The following MTRFR variants were observed in gnomAD, a reference collection of about 807,000 sequenced individuals.
MTRFR encodes mitochondrial translation release factor in rescue, also known as probable peptide chain release factor C12orf65, mitochondrial.
MTRFR carries 10 observed loss-of-function variants against 11.9 expected under a neutral mutation model. That is an observed-to-expected ratio of 0.84 (90% CI 0.52 to 1.42). The LOEUF (loss-of-function observed/expected upper bound fraction) is 1.42. Among genes scored for constraint, MTRFR ranks in the 40% most tolerant of loss-of-function variants. The pLI is 0.00. For missense variants in MTRFR, 196 were observed against 197.9 expected (o/e 0.99, Z 0.06); for synonymous variants, 77 against 79.1 (o/e 0.97, Z 0.14).
intron 1 of MTRFR, among the ~76,000 whole-genome samples, chr12:123,253,070 ATTTTTTTTTTTTTTTTT>A (rs71085872): frequency 0.062 from 2,151 of 34,844 alleles, 68 homozygotes; most frequent in Non-Finnish European, 0.095. Context: ...GTTCCTTTGA[ATTTTTTTTTTTTTTTTT>A]TTTTTTTTTT....
chr12:123,253,755 G>A lies in MTRFR; in HGVS notation c.81G>A (p.Glu27=), dbSNP rs2048144443. 2 of 1,614,186 alleles carry A rather than the reference G, an allele frequency of 1.2e-6. No individual in the cohort carries two copies. Among genetic ancestry groups the A allele is most frequent in the Non-Finnish European group, 1.7e-6 (2 of 1,180,054 alleles). ...CGCCATGGGGACTCCGGCTTTGGGA[G>A]AAGCTGACGTTGTTATCCCCAGGAA... is the stretch of plus-strand genomic sequence containing the variant. ...CPAPWGLRLW[E]KLTLLSPGIA... The change falls in exon 2 of 3, where the codon GAG becomes GAA. Residue 27 remains glutamate (E), a synonymous_variant. Transcript: ENST00000253233.
intron 1 of MTRFR, among the ~76,000 whole-genome samples, chr12:123,236,659 G>C (rs934519523): frequency 6.6e-6 from 1 of 152,036 alleles, no homozygotes; most frequent in Non-Finnish European, 1.5e-5. Flanking sequence ...CAAACACAAG[G>C]CATCGTTAAT....
chr12:123,255,147 A>G (rs1307701059), intron 2 of MTRFR: 1 of 152,220 alleles, frequency 6.6e-6, no homozygotes, highest in Non-Finnish European at 1.5e-5. Flanking sequence ...CCCCATGTTC[A>G]TGATTTCCAT....
At chr12:123,242,652 A>T (rs2047959433) in intron 1 of MTRFR, among the ~76,000 whole-genome samples, 1 of 152,190 alleles carries the variant, frequency 6.6e-6, no homozygotes, top group African/African-American at 2.4e-5. Flanking sequence ...GACCTTCTTG[A>T]ACTCCAGCTG....
intron 1 of MTRFR, among the ~76,000 whole-genome samples, chr12:123,235,573 C>T (rs1323216802): frequency 6.6e-6 from 1 of 151,074 alleles, no homozygotes; most frequent in African/African-American, 2.4e-5. Flanking sequence ...GGGGTTTCAC[C>T]GTGTTAGCCA....
At chr12:123,249,252 A>G (rs11057210) in intron 1 of MTRFR, 97,341 of 152,298 alleles carry the variant, frequency 0.64, 35,571 homozygotes, top group East Asian at 1. Flanking sequence ...GAGTCCAGCT[A>G]GCTTTGCCTA....
At chr12:123,256,692 G>A in intron 2 of MTRFR, 121 bp from the exon 3 acceptor site, 1 of 831,648 alleles carries the variant, frequency 1.2e-6, no homozygotes, top group South Asian at 1.5e-5. Context: ...ACGAAACTCT[G>A]TCTCAATAAA....
rs1293006247 is a variant in MTRFR, at chr12:123,257,179, A to G, written c.*148A>G. 1 of 721,366 alleles carries G rather than the reference A, an allele frequency of 1.4e-6. No homozygotes were observed. The highest frequency in any genetic ancestry group is 2.4e-6 in the Non-Finnish European group (1 of 415,016). The allele number at this position is 721,366 out of a possible 1,614,324, so 44.7% of individuals were successfully genotyped here. A position where few individuals can be genotyped will look rare whatever the true frequency, so the allele number is the denominator to read the frequency against. On this transcript the variant is annotated 3_prime_UTR_variant, in exon 3 of 3. Coordinates refer to ENST00000253233, the MANE Select transcript of MTRFR (RefSeq NM_152269.5). ...GACAACAAATTTATTTAAATGGTGC[A>G]CTAAACTGTAGTGAACAGAGACATG...
chr12:123,238,321 GGT>G (rs2047882585), intron 1 of MTRFR, among the ~76,000 whole-genome samples: 1 of 152,076 alleles, frequency 6.6e-6, no homozygotes, highest in Non-Finnish European at 1.5e-5. Context: ...ATTGCACGTT[GGT>G]CTGTTTAAGC....
In MTRFR at chr12:123,244,929, C is replaced by CCTTTTTT. The variant is rs1170457743; in HGVS notation, c.-28-8718_-28-8717insCTTTTTT. 1.6e-4 allele frequency among the ~76,000 whole-genome samples: 10 copies of CCTTTTTT among 64,306 alleles called. No individual in the cohort carries two copies. In the South Asian group the frequency reaches 2.5e-3, roughly 16 times the overall value. 42.2% of individuals were successfully genotyped at this position (64,306 alleles called of 152,430 possible). A position where few individuals can be genotyped will look rare whatever the true frequency, so the allele number is the denominator to read the frequency against. On this transcript the variant is annotated intron_variant, in intron 1 of 2. Coordinates refer to ENST00000253233, the MANE Select transcript of MTRFR (RefSeq NM_152269.5). ...TACAGGTATGAGCCACCGCACCCGG[C>CCTTTTTT]ATTTTTTTTTTTTTTTTTTTTTTTT... is the stretch of plus-strand genomic sequence containing the variant.
intron 1 of MTRFR, among the ~76,000 whole-genome samples, chr12:123,236,118 CAT>C (rs1452787925): frequency 6.6e-6 from 1 of 151,922 alleles, no homozygotes; most frequent in Non-Finnish European, 1.5e-5. Flanking sequence ...AAGGAGCTAA[CAT>C]TGCCTAAGAA....
intron 1 of MTRFR, among the ~76,000 whole-genome samples, chr12:123,248,100 G>A (rs1194408022): frequency 6.6e-6 from 1 of 152,164 alleles, no homozygotes; most frequent in Non-Finnish European, 1.5e-5. Context: ...GTTTTGATGT[G>A]TTTCCAGGAT....
chr12:123,244,994 G>A (rs117648098), intron 1 of MTRFR, among the ~76,000 whole-genome samples: 1,989 of 128,092 alleles, frequency 0.016, 27 homozygotes, highest in South Asian at 0.072. Flanking sequence ...CCAGGCAAGA[G>A]TGCAGGCAAG....
At chr12:123,247,770 C>T (rs2048063087) in intron 1 of MTRFR, among the ~76,000 whole-genome samples, 1 of 152,098 alleles carries the variant, frequency 6.6e-6, no homozygotes, top group Non-Finnish European at 1.5e-5. Flanking sequence ...ACAGTGAGAC[C>T]TCATCTCTAC....
chr12:123,235,037 C>A (rs2047821095), intron 1 of MTRFR, among the ~76,000 whole-genome samples: 1 of 152,140 alleles, frequency 6.6e-6, no homozygotes, highest in African/African-American at 2.4e-5. Flanking sequence ...AAACAAAGGC[C>A]GATGAAATAA....
intron 1 of MTRFR, among the ~76,000 whole-genome samples, chr12:123,238,318 G>A (rs1416842974): frequency 2.0e-5 from 3 of 152,136 alleles, no homozygotes; most frequent in Admixed American, 2.0e-4. Flanking sequence ...AACATTGCAC[G>A]TTGGTCTGTT....
intron 1 of MTRFR, among the ~76,000 whole-genome samples, chr12:123,235,999 G>C (rs930394413): frequency 6.6e-6 from 1 of 152,068 alleles, no homozygotes; most frequent in Non-Finnish European, 1.5e-5. Context: ...GGGAGGCAAA[G>C]GTTGTAGTGA....
chr12:123,246,887 C>T (rs1269473365), intron 1 of MTRFR, among the ~76,000 whole-genome samples: 5 of 151,826 alleles, frequency 3.3e-5, no homozygotes, highest in African/African-American at 9.7e-5. Flanking sequence ...CACACCACCA[C>T]GCCCGGCTAA....
intron 1 of MTRFR, among the ~76,000 whole-genome samples, chr12:123,243,542 AAAAAAT>A (rs1565993357): frequency 1.4e-5 from 2 of 139,864 alleles, no homozygotes; most frequent in South Asian, 2.4e-4. Context: ...AAAAAAAAAA[AAAAAAT>A]ACAAAAATTA....
Sources: allele counts gnomAD v4.1 joint callset (sites outside exome capture counted in the v4.1 genomes callset), GRCh38; gene constraint gnomAD v4.1.1; transcripts MANE v1.5; gene names NCBI Gene and HGNC (gene_info 2026-07-23, HGNC 2026-07-21).